Variants in ASCC1 observed in about 807,000 individuals in gnomAD.
ASCC1 encodes activating signal cointegrator 1 complex subunit 1, also known as ASC-1 complex subunit P50.
Under a neutral mutation model 46.6 loss-of-function variants are expected in ASCC1, and 35 were observed. That is an observed-to-expected ratio of 0.75 (90% CI 0.57 to 0.99). ASCC1 has a LOEUF of 0.99. ASCC1 is among the 50% of genes least tolerant of loss of function. The pLI is 0.00. For synonymous variants in ASCC1, 143 were observed against 146.6 expected (o/e 0.98, Z 0.18); for missense variants, 376 against 428.7 (o/e 0.88, Z 1.09).
intron 4 of ASCC1, among the ~76,000 whole-genome samples, chr10:72,198,834 T>C (rs573134931): frequency 5.9e-5 from 9 of 152,316 alleles, no homozygotes; most frequent in East Asian, 3.8e-4. Flanking sequence ...TTATTTTATT[T>C]TCAAGAGAGT....
chr10:72,098,755 G>C (rs759238655), intron 9 of ASCC1, among the ~76,000 whole-genome samples: 5 of 152,182 alleles, frequency 3.3e-5, no homozygotes, highest in Non-Finnish European at 7.3e-5. Flanking sequence ...ACATCAACTT[G>C]ACCCCAAAGA....
chr10:72,103,114 C>T (rs775498445), intron 9 of ASCC1: 16 of 306,044 alleles, frequency 5.2e-5, no homozygotes, highest in African/African-American at 9.4e-5. Context: ...CACAACCCCA[C>T]GAAATAGATA....
intron 5 of ASCC1, chr10:72,190,260 G>C: frequency 1.3e-6 from 1 of 774,992 alleles, no homozygotes; most frequent in East Asian, 2.4e-5. Context: ...GAATGAGCTG[G>C]ATGTCACTGT....
chr10:72,141,278 T>A (rs1846981590), intron 7 of ASCC1, among the ~76,000 whole-genome samples: 2 of 152,314 alleles, frequency 1.3e-5, no homozygotes, highest in South Asian at 2.1e-4. Context: ...TGCTTTGTAA[T>A]CTCTTTTTAA....
chr10:72,214,954 T>C (rs1185242316), intron 1 of ASCC1, among the ~76,000 whole-genome samples: 1 of 152,218 alleles, frequency 6.6e-6, no homozygotes, highest in Non-Finnish European at 1.5e-5. Flanking sequence ...GTCACATCAC[T>C]TAATGAATCA....
chr10:72,189,670 C>T (rs755530878), intron 5 of ASCC1, among the ~76,000 whole-genome samples: 1 of 151,932 alleles, frequency 6.6e-6, no homozygotes, highest in African/African-American at 2.4e-5. Context: ...GGCATGGTGG[C>T]GCATGCCTGT....
At chr10:72,160,636 G>A (rs1467757409) in intron 6 of ASCC1, among the ~76,000 whole-genome samples, 1 of 151,970 alleles carries the variant, frequency 6.6e-6, no homozygotes, top group Non-Finnish European at 1.5e-5. Flanking sequence ...CGAAGCAGGA[G>A]AGTTGCTTGA....
intron 9 of ASCC1, among the ~76,000 whole-genome samples, chr10:72,103,177 G>A (rs1841983842): frequency 6.6e-6 from 1 of 150,742 alleles, no homozygotes; most frequent in Admixed American, 6.6e-5. Context: ...CTGTCGCCCA[G>A]GCTGGAGTGC....
At chr10:72,102,498 T>C (rs763121437) in intron 9 of ASCC1, 11 of 1,077,858 alleles carry the variant, frequency 1.0e-5, no homozygotes, top group African/African-American at 1.6e-5. Flanking sequence ...CTTTTTATAC[T>C]AGGGAAATGA....
At chr10:72,193,386 A>G (rs1487370849) in intron 5 of ASCC1, among the ~76,000 whole-genome samples, 1 of 152,076 alleles carries the variant, frequency 6.6e-6, no homozygotes, top group Non-Finnish European at 1.5e-5. Context: ...CCAGTTACCT[A>G]CTGTATGATT....
intron 3 of ASCC1, among the ~76,000 whole-genome samples, chr10:72,206,651 A>C (rs1857261319): frequency 1.3e-5 from 2 of 152,138 alleles, no homozygotes; most frequent in African/African-American, 4.8e-5. Context: ...AAAAGGAATT[A>C]TGTGTTCAGA....
At chr10:72,170,160 T>G (rs1444221910) in intron 5 of ASCC1, among the ~76,000 whole-genome samples, 3 of 150,740 alleles carry the variant, frequency 2.0e-5, no homozygotes, top group South Asian at 2.1e-4. Flanking sequence ...CATTAAAGGA[T>G]GTTAAATCTA....
chr10:72,142,515 T>A (rs1049892282), intron 7 of ASCC1, among the ~76,000 whole-genome samples: 2 of 151,968 alleles, frequency 1.3e-5, no homozygotes, highest in African/African-American at 4.8e-5. Context: ...TACAGGCATG[T>A]GCCACCATGC....
intron 9 of ASCC1, among the ~76,000 whole-genome samples, chr10:72,120,812 A>C (rs1335905845): frequency 6.6e-6 from 1 of 152,154 alleles, no homozygotes; most frequent in Non-Finnish European, 1.5e-5. Context: ...TCAACCTGGA[A>C]TTCTGAACCC....
chr10:72,108,555 T>C (rs760707694), intron 9 of ASCC1, among the ~76,000 whole-genome samples: 3 of 152,246 alleles, frequency 2.0e-5, no homozygotes, highest in South Asian at 4.1e-4. Context: ...ACTGACCTCA[T>C]TTCTGTGAAG....
intron 9 of ASCC1, among the ~76,000 whole-genome samples, chr10:72,106,088 T>C (rs1427427691): frequency 5.9e-5 from 9 of 152,142 alleles, no homozygotes; most frequent in Admixed American, 5.9e-4. Context: ...GACAAAGCTG[T>C]GGTTACTCTC....
intron 8 of ASCC1, 81 bp from the exon 9 acceptor site, chr10:72,128,248 G>T: frequency 1.6e-6 from 2 of 1,238,312 alleles, no homozygotes; most frequent in Non-Finnish European, 1.2e-6. Context: ...ACATAGGTAC[G>T]ACTAGCAAAA....
intron 6 of ASCC1, among the ~76,000 whole-genome samples, chr10:72,161,175 G>A (rs1849649933): frequency 6.7e-6 from 1 of 149,974 alleles, no homozygotes; most frequent in African/African-American, 2.5e-5. Flanking sequence ...ACTCCAGCCT[G>A]GGCGACAGGA....
chr10:72,157,923 A>C (rs1452362931), intron 6 of ASCC1, among the ~76,000 whole-genome samples: 1 of 152,204 alleles, frequency 6.6e-6, no homozygotes, highest in Non-Finnish European at 1.5e-5. Context: ...CCTTACCTTG[A>C]CTTTCAGATA....
Sources: allele counts gnomAD v4.1 joint callset (sites outside exome capture counted in the v4.1 genomes callset), GRCh38; gene constraint gnomAD v4.1.1; transcripts MANE v1.5; gene names NCBI Gene and HGNC (gene_info 2026-07-23, HGNC 2026-07-21).